Variants in ARHGAP32 observed in about 807,000 individuals in gnomAD.
ARHGAP32 encodes the protein Rho GTPase activating protein 32.
A neutral mutation model predicts 186.5 loss-of-function variants in ARHGAP32; 51 were observed. That is an observed-to-expected ratio of 0.27 (90% confidence interval 0.22 to 0.35). The LOEUF (loss-of-function observed/expected upper bound fraction) is 0.35. Ranked by LOEUF, ARHGAP32 falls within the 10% of genes least tolerant of loss-of-function variation. The pLI, the probability that ARHGAP32 is intolerant of heterozygous loss-of-function variation, is 1.00. For missense variants in ARHGAP32, 2,186 were observed against 2,623.5 expected (o/e 0.83, Z 3.64); for synonymous variants, 950 against 964.3 (o/e 0.99, Z 0.27).
intron 2 of ARHGAP32, among the ~76,000 whole-genome samples, chr11:129,141,193 C>T (rs1260672946): frequency 6.6e-6 from 1 of 152,082 alleles, no homozygotes; most frequent in Non-Finnish European, 1.5e-5. Flanking sequence ...GAGAATATAT[C>T]CCAAAGCAAT....
intron 1 of ARHGAP32, among the ~76,000 whole-genome samples, chr11:129,240,722 A>C (rs1268417156): frequency 6.6e-6 from 1 of 152,136 alleles, no homozygotes; most frequent in African/African-American, 2.4e-5. Context: ...ACAAGCCCTA[A>C]ATGCTTGAGA....
At chr11:129,038,058 ACCACTGCACT>A (rs1175265785) in intron 11 of ARHGAP32, among the ~76,000 whole-genome samples, 1 of 151,872 alleles carries the variant, frequency 6.6e-6, no homozygotes, top group African/African-American at 2.4e-5. Flanking sequence ...CCGAGATCGC[ACCACTGCACT>A]CCAACCTGGG....
chr11:129,236,245 T>G (rs1944932610), intron 1 of ARHGAP32, among the ~76,000 whole-genome samples: 1 of 152,182 alleles, frequency 6.6e-6, no homozygotes, highest in Non-Finnish European at 1.5e-5. Flanking sequence ...ATTTTTTTAT[T>G]TTTGATTATG....
At position 128,969,386 on chromosome 11, in the gene ARHGAP32, C is replaced by T. The variant is rs1298288482; in HGVS notation, c.5827G>A (p.Ala1943Thr). ...SYHNSGVKYA[A>T]SGQESLRLNH... is the part of the protein sequence containing the mutation. The stretch of plus-strand genomic sequence containing the variant: ...AGTCTTAAAGATTCTTGCCCGGATG[C>T]AGCATATTTTACTCCAGAGTTGTGG... Residue 1943 changes from alanine (A) to threonine (T), a missense_variant, in exon 23 of 23, where the codon GCA becomes ACA. Coordinates refer to ENST00000682385, the MANE Select transcript of ARHGAP32 (RefSeq NM_001378024.1). The surrounding 1 kb of genome is among the most constrained non-coding windows in gnomAD (Gnocchi z 4.8). The T allele has an allele frequency of 1.2e-6, 2 of 1,614,200 alleles. No homozygotes were observed. Among genetic ancestry groups the T allele is most frequent in the Admixed American group, 3.3e-5 (2 of 60,028 alleles).
chr11:128,970,453 T>C lies in ARHGAP32; in HGVS notation c.4760A>G (p.Asp1587Gly), dbSNP rs752571513. 6 of 1,613,996 alleles carry C rather than the reference T, an allele frequency of 3.7e-6. 1 individual carries two copies. Among genetic ancestry groups the C allele is most frequent in the East Asian group, 4.5e-5 (2 of 44,890 alleles). ...SSVRNTCYPE[D>G]IPPYPTIRRV... ...CCGGATGGTAGGGTACGGTGGAATGTCTTCGGGGTAACAGGTATTCCTGAC... is the reference window on the plus strand; with the variant it reads ...CCGGATGGTAGGGTACGGTGGAATGCCTTCGGGGTAACAGGTATTCCTGAC... Residue 1587 changes from aspartate to glycine, a missense_variant, in exon 23 of 23, where the codon GAC (aspartate) becomes GGC (glycine). This residue lies in a region of ARHGAP32 where 1,502 missense variants were observed against 1,570.0 expected (regional missense o/e 0.96). Coordinates refer to ENST00000682385, the MANE Select transcript of ARHGAP32 (RefSeq NM_001378024.1). This position sits in a 1 kb window ranked among gnomAD's most constrained non-coding sequence, Gnocchi z 5.8.
At position 129,123,346 on chromosome 11, in the gene ARHGAP32, C is replaced by A; in HGVS notation, c.444+100G>T. The A allele has an allele frequency of 6.1e-6, 6 of 980,072 alleles. No individual in the cohort carries two copies. The highest frequency in any genetic ancestry group is 5.3e-5 in the South Asian group (3 of 56,836). 60.7% of individuals were successfully genotyped at this position (980,072 alleles called of 1,614,324 possible). The stretch of plus-strand genomic sequence containing the variant: ...ACATCAATTAAAAAAAAAACTACTT[C>A]AAAGTGTCATCTATTAGATACAGAT... On this transcript the variant is annotated intron_variant, in intron 5 of 22. Transcript: ENST00000682385. This position sits in a 1 kb window ranked among gnomAD's most constrained non-coding sequence, Gnocchi z 4.6.
At chr11:129,042,512 T>G (rs987631052) in intron 10 of ARHGAP32, among the ~76,000 whole-genome samples, 17 of 152,156 alleles carry the variant, frequency 1.1e-4, no homozygotes, top group African/African-American at 3.9e-4. Context: ...CAAGACTGAT[T>G]AGAACCAGGT....
rs1193334113 is a variant in ARHGAP32, at chr11:128,970,176, C to G, written c.5037G>C (p.Gly1679=). The G allele has an allele frequency of 2.1e-5, 34 of 1,614,004 alleles. No homozygotes were observed. The highest frequency in any genetic ancestry group is 2.9e-5 in the Non-Finnish European group (34 of 1,180,036). Reference sequence around the variant, plus strand: ...CATAGGCATCCACATCACACAGGGCCCCATCTGGACTGTAATAGGAACTAG... The same window carrying G: ...CATAGGCATCCACATCACACAGGGCGCCATCTGGACTGTAATAGGAACTAG... ...SSSSSYYSPD[G]ALCDVDAYGT... Residue 1679 remains glycine, a synonymous_variant, in exon 23 of 23, where the codon GGG becomes GGC. Transcript: ENST00000682385. The surrounding 1 kb of genome is among the most constrained non-coding windows in gnomAD (Gnocchi z 5.8).
chr11:129,212,854 T>G (rs1311148438), intron 1 of ARHGAP32, among the ~76,000 whole-genome samples: 3 of 151,552 alleles, frequency 2.0e-5, no homozygotes, highest in African/African-American at 4.8e-5. Context: ...CCAAAATAAG[T>G]TTTTTTTTAA....
At chr11:129,197,448 C>T (rs900376745) in intron 1 of ARHGAP32, among the ~76,000 whole-genome samples, 1 of 152,116 alleles carries the variant, frequency 6.6e-6, no homozygotes, top group African/African-American at 2.4e-5. Context: ...CTGTTCAATA[C>T]AGTGCATGGC....
At chr11:129,233,733 T>C (rs1190599842) in intron 1 of ARHGAP32, among the ~76,000 whole-genome samples, 2 of 152,030 alleles carry the variant, frequency 1.3e-5, no homozygotes, top group South Asian at 2.1e-4. Flanking sequence ...ACTGTATCCA[T>C]GTATTACACG....
chr11:129,056,068 C>T (rs778116260), intron 10 of ARHGAP32, among the ~76,000 whole-genome samples: 11 of 152,124 alleles, frequency 7.2e-5, no homozygotes, highest in Non-Finnish European at 1.6e-4. Flanking sequence ...CTTCTAGAAA[C>T]AGTGCTCAGT....
Position 129,050,112 on chromosome 11 carries a change from A to G in ARHGAP32, c.964-9103T>C, listed in dbSNP as rs556232003. On this transcript the variant is annotated intron_variant, in intron 10 of 22. Transcript: ENST00000682385. ...GATGACTTACTGAGTGTTTAACTTG[A>G]GAAACTGCTAAACTGTTTTCAAATG... Among the ~76,000 whole-genome samples the G allele has an allele frequency of 4.5e-4, 69 of 152,370 alleles. 1 individual carries two copies. Among genetic ancestry groups the G allele is most frequent in the African/African-American group, 1.6e-3 (68 of 41,582 alleles).
chr11:129,269,545 A>G (rs949529940), intron 1 of ARHGAP32, among the ~76,000 whole-genome samples: 2 of 152,088 alleles, frequency 1.3e-5, no homozygotes, highest in Non-Finnish European at 2.9e-5. Flanking sequence ...TGGACAACAT[A>G]GAGAGACTTC....
At chr11:128,985,856 GTGTATATATA>G (rs1056950576) in intron 15 of ARHGAP32, 137 bp downstream of exon 15, 21 of 111,160 alleles carry the variant, frequency 1.9e-4, no homozygotes, top group African/African-American at 6.6e-4. Context: ...GTGTGTGTGT[GTGTATATATA>G]TATATATATA....
intron 5 of ARHGAP32, among the ~76,000 whole-genome samples, chr11:129,104,155 A>G (rs1276841553): frequency 1.3e-5 from 2 of 152,118 alleles, no homozygotes; most frequent in Non-Finnish European, 2.9e-5. Flanking sequence ...CCCACCAACA[A>G]AACCTCACCA....
chr11:128,968,922 CTG>C lies in ARHGAP32; in HGVS notation c.6289_6290del (p.Gln2097AspfsTer37). Reference sequence around the variant, plus strand: ...CTCGCAGGGCTCATTCTGCATGGATCTGTGTTTCAGGATGCTGCAAGGACAAC... The same window carrying C: ...CTCGCAGGGCTCATTCTGCATGGATCTGTTTCAGGATGCTGCAAGGACAAC... The part of the protein sequence containing the change: ...AELSLQHPET[Q>X]IHAE On this transcript the variant is annotated frameshift_variant, in exon 23 of 23. Transcript: ENST00000682385. LOFTEE classifies it high-confidence loss of function. 2.0e-6 allele frequency: 3 copies of C among 1,533,696 alleles called. No homozygotes were observed. Among genetic ancestry groups the C allele is most frequent in the Non-Finnish European group, 2.6e-6 (3 of 1,135,080 alleles).
chr11:128,978,984 G>A, intron 18 of ARHGAP32, 69 bp from the exon 19 acceptor site: 1 of 1,415,682 alleles, frequency 7.1e-7, no homozygotes, highest in Non-Finnish European at 9.5e-7. Context: ...GAAAAGAAAT[G>A]AACACATGAC....
chr11:129,161,417 G>T (rs535490145), intron 2 of ARHGAP32, among the ~76,000 whole-genome samples: 403 of 151,900 alleles, frequency 2.7e-3, no homozygotes, highest in African/African-American at 9.2e-3. Flanking sequence ...TCTGACAAAG[G>T]GCTAATATCC....
Sources: allele counts gnomAD v4.1 joint callset (sites outside exome capture counted in the v4.1 genomes callset), GRCh38; gene constraint gnomAD v4.1.1; regional missense constraint gnomAD v4.1.1; non-coding constraint Gnocchi (gnomAD v3.1); transcripts MANE v1.5; gene names NCBI Gene and HGNC (gene_info 2026-07-23, HGNC 2026-07-21).